The following FBXO16 variants were observed in gnomAD, a reference collection of about 807,000 sequenced individuals.
FBXO16 encodes F-box only protein 16.
A neutral mutation model predicts 41.0 loss-of-function variants in FBXO16; 31 were observed. That is an observed-to-expected ratio of 0.76 (90% confidence interval 0.57 to 1.02). FBXO16 has a LOEUF of 1.02. Among genes scored for constraint, FBXO16 ranks in the 50% least tolerant of loss-of-function variants. FBXO16 has a pLI of 0.00. For missense variants in FBXO16, 361 were observed against 346.2 expected (o/e 1.04, Z -0.34); for synonymous variants, 133 against 117.8 (o/e 1.13, Z -0.84).
At chr8:28,451,561 A>G (rs1348025279) in intron 6 of FBXO16, among the ~76,000 whole-genome samples, 1 of 151,310 alleles carries the variant, frequency 6.6e-6, no homozygotes, top group Non-Finnish European at 1.5e-5. Flanking sequence ...AATATTTTAT[A>G]TATATATATT....
At chr8:28,449,077 G>A (rs1399182752) in intron 6 of FBXO16, 1 of 152,170 alleles carries the variant, frequency 6.6e-6, no homozygotes, top group Non-Finnish European at 1.5e-5. Flanking sequence ...ATATACGTAA[G>A]CCTCTAGGTC....
At chr8:28,484,140 A>C (rs959770126) in intron 1 of FBXO16, among the ~76,000 whole-genome samples, 1 of 152,156 alleles carries the variant, frequency 6.6e-6, no homozygotes, top group African/African-American at 2.4e-5. Context: ...ATCCAGAATC[A>C]CTCCTAGCTA....
intron 5 of FBXO16, among the ~76,000 whole-genome samples, chr8:28,452,677 T>G (rs1473253149): frequency 6.6e-6 from 1 of 152,076 alleles, no homozygotes; most frequent in Admixed American, 6.5e-5. Context: ...GGCGGGCACC[T>G]GTAGTCCCAG....
chr8:28,452,108 C>A (rs1420793992), intron 6 of FBXO16, 136 bp downstream of exon 6: 1 of 768,942 alleles, frequency 1.3e-6, no homozygotes, highest in Admixed American at 2.9e-5. Flanking sequence ...GTATCCTGCT[C>A]TATTACTTTT....
At position 28,471,808 on chromosome 8, in the gene FBXO16, A is replaced by C. The variant is rs867193593; in HGVS notation, c.135+1964T>G. 6.9e-5 allele frequency among the ~76,000 whole-genome samples: 9 copies of C among 129,536 alleles called. No homozygotes were observed. In the South Asian group the frequency reaches 1.8e-3, roughly 26 times the overall value. 85.0% of individuals were successfully genotyped at this position (129,536 alleles called of 152,430 possible). On this transcript the variant is annotated intron_variant, in intron 3 of 8. Transcript: ENST00000380254. Reference sequence around the variant, plus strand: ...GAAGAAAGAAAACAGAGAATCTCAAAAAAAAAAAAAAAAAAAAAAAAAAGC... The same window carrying C: ...GAAGAAAGAAAACAGAGAATCTCAACAAAAAAAAAAAAAAAAAAAAAAAGC...
chr8:28,466,982 C>CA (rs1554527636), intron 3 of FBXO16, among the ~76,000 whole-genome samples: 3 of 119,144 alleles, frequency 2.5e-5, no homozygotes, highest in African/African-American at 6.5e-5. Flanking sequence ...CTCGCTGTGT[C>CA]GCCAGGTTGG....
At chr8:28,448,340 C>CAAAAAAAAAAAAAAAAAAAAAAAAAAA (rs56323338) in intron 6 of FBXO16, among the ~76,000 whole-genome samples, 12 of 49,616 alleles carry the variant, frequency 2.4e-4, no homozygotes, top group East Asian at 6.1e-4. Flanking sequence ...GACCCTAAAT[C>CAAAAAAAAAAAAAAAAAAAAAAAAAAA]AAAAAAAAAA....
chr8:28,435,153 G>T (rs867811921), intron 7 of FBXO16, among the ~76,000 whole-genome samples: 5 of 150,290 alleles, frequency 3.3e-5, no homozygotes, highest in African/African-American at 1.2e-4. Flanking sequence ...ACTGACAACT[G>T]AAGGGTGATG....
Position 28,483,520 on chromosome 8 carries a change from C to T in FBXO16, c.-16-58G>A, listed in dbSNP as rs1803550526. ...AGTGAATCATATAACCCTCAGAAAA[C>T]AAAAATTACTAATACCAGCCAGGCA... On this transcript the variant is annotated intron_variant, in intron 1 of 8. Transcript: ENST00000380254. 2.3e-6 allele frequency: 3 copies of T among 1,301,350 alleles called. 1 individual carries two copies. The South Asian group carries it at 3.7e-5, about 16-fold the overall frequency. The allele number at this position is 1,301,350 out of a possible 1,614,324, so 80.6% of individuals were successfully genotyped here.
At chr8:28,457,684 C>T (rs1271171904) in intron 4 of FBXO16, among the ~76,000 whole-genome samples, 2 of 152,174 alleles carry the variant, frequency 1.3e-5, no homozygotes, top group Admixed American at 6.5e-5. Context: ...AACACTTGGG[C>T]ATTATGGGAG....
intron 7 of FBXO16, among the ~76,000 whole-genome samples, chr8:28,432,344 G>A (rs971465738): frequency 2.0e-5 from 3 of 151,624 alleles, no homozygotes; most frequent in African/African-American, 7.3e-5. Flanking sequence ...CGTGGTGGCG[G>A]GTGCCTGTAA....
chr8:28,486,381 G>T (rs893963816), intron 1 of FBXO16, among the ~76,000 whole-genome samples: 1 of 151,616 alleles, frequency 6.6e-6, no homozygotes, highest in Non-Finnish European at 1.5e-5. Flanking sequence ...TGAGCCACCA[G>T]GCCCAGCTAA....
intron 4 of FBXO16, among the ~76,000 whole-genome samples, chr8:28,463,214 TTA>T (rs948154420): frequency 1.1e-4 from 16 of 149,278 alleles, no homozygotes; most frequent in South Asian, 8.5e-4. Flanking sequence ...GTTTGTGTGT[TTA>T]TGTGTGTCCG....
At chr8:28,468,848 GA>G (rs60077275) in intron 3 of FBXO16, among the ~76,000 whole-genome samples, 42,288 of 132,762 alleles carry the variant, frequency 0.32, 6,434 homozygotes, top group East Asian at 0.6. Context: ...ACTCCATCTT[GA>G]AAAAAAAAAA....
chr8:28,454,404 A>G (rs1283644896), intron 5 of FBXO16, among the ~76,000 whole-genome samples: 1 of 151,720 alleles, frequency 6.6e-6, no homozygotes, highest in Non-Finnish European at 1.5e-5. Flanking sequence ...GGGAAATTTT[A>G]GGCATAAATG....
intron 2 of FBXO16, among the ~76,000 whole-genome samples, chr8:28,481,799 A>G (rs901845245): frequency 2.4e-5 from 3 of 127,072 alleles, no homozygotes; most frequent in South Asian, 2.5e-4. Flanking sequence ...ACACAGTGAG[A>G]CTCTGTTTCA....
chr8:28,434,316 C>T (rs920710418), intron 7 of FBXO16, among the ~76,000 whole-genome samples: 2 of 152,144 alleles, frequency 1.3e-5, no homozygotes, highest in Non-Finnish European at 2.9e-5. Flanking sequence ...CATCTGCAAA[C>T]GATCACTGAT....
chr8:28,471,206 G>A (rs1174011242), intron 3 of FBXO16, among the ~76,000 whole-genome samples: 1 of 152,058 alleles, frequency 6.6e-6, no homozygotes, highest in African/African-American at 2.4e-5. Flanking sequence ...CATTAGACAG[G>A]TATGGCCAAA....
chr8:28,458,437 C>T (rs1355832650), intron 4 of FBXO16, among the ~76,000 whole-genome samples: 1 of 152,134 alleles, frequency 6.6e-6, no homozygotes, highest in Non-Finnish European at 1.5e-5. Context: ...ACCTCATCTC[C>T]ACATGGTAAA....
Sources: allele counts gnomAD v4.1 joint callset (sites outside exome capture counted in the v4.1 genomes callset), GRCh38; gene constraint gnomAD v4.1.1; transcripts MANE v1.5; gene names NCBI Gene and HGNC (gene_info 2026-07-23, HGNC 2026-07-21).